SLC7A13: variants seen among roughly 807,000 people sequenced by gnomAD.
The protein encoded by SLC7A13 is X-amino acid transporter 2.
In SLC7A13, 31 loss-of-function variants were observed where a neutral mutation model predicts 32.0. The ratio of observed to expected loss-of-function variants is 0.97; its 90% CI spans 0.73 to 1.31. SLC7A13 has a LOEUF of 1.31. Ranked by LOEUF, SLC7A13 falls within the 50% of genes most tolerant of loss-of-function variation. The pLI, the probability that SLC7A13 is intolerant of heterozygous loss-of-function variation, is 0.00. For missense variants in SLC7A13, 633 were observed against 546.9 expected (o/e 1.16, Z -1.57); for synonymous variants, 232 against 206.9 (o/e 1.12, Z -1.04).
chr8:86,218,836 A>C (rs989920051), intron 2 of SLC7A13, among the ~76,000 whole-genome samples: 6 of 152,020 alleles, frequency 3.9e-5, no homozygotes, highest in Admixed American at 6.6e-5. Context: ...ACAAATTATC[A>C]GTTTTTCAAT....
intron 3 of SLC7A13, among the ~76,000 whole-genome samples, chr8:86,217,137 T>G (rs1820196806): frequency 6.6e-6 from 1 of 152,208 alleles, no homozygotes; most frequent in Non-Finnish European, 1.5e-5. Context: ...CTGCTAAATC[T>G]GGCCCTGACT....
intron 2 of SLC7A13, among the ~76,000 whole-genome samples, chr8:86,222,362 A>G (rs1820311582): frequency 6.6e-6 from 1 of 151,920 alleles, no homozygotes; most frequent in Non-Finnish European, 1.5e-5. Context: ...TCATTTTTCA[A>G]TGTATATTTA....
chr8:86,218,544 G>A (rs898054382), intron 2 of SLC7A13, among the ~76,000 whole-genome samples: 1 of 151,890 alleles, frequency 6.6e-6, no homozygotes, highest in Non-Finnish European at 1.5e-5. Context: ...GGCCAAGGAT[G>A]TTGCTAAACA....
intron 1 of SLC7A13, among the ~76,000 whole-genome samples, chr8:86,224,405 A>G (rs1820354840): frequency 6.6e-6 from 1 of 151,984 alleles, no homozygotes; most frequent in Non-Finnish European, 1.5e-5. Flanking sequence ...GGCTAGCAAA[A>G]TTTTCCTATT....
At chr8:86,224,466 T>C (rs562093228) in intron 1 of SLC7A13, among the ~76,000 whole-genome samples, 1 of 152,338 alleles carries the variant, frequency 6.6e-6, no homozygotes, top group African/African-American at 2.4e-5. Flanking sequence ...CCATCATAAA[T>C]TATCTCTTCC....
rs1296464699 is a variant in SLC7A13 at position 86,229,960 on chromosome 8, C to T, written c.318G>A (p.Gly106=). Residue 106 remains glycine (G), a synonymous_variant, in exon 1 of 4, where the codon GGG becomes GGA. Transcript: ENST00000297524. The stretch of plus-strand genomic sequence containing the variant: ...GGAGCAGAGCTTGGCCAGCAACTAC[C>T]CCTGACCCCAGAAACAAGGATGTCC... ...NLWTSLFLGS[G]VVAGQALLLA... 5.6e-6 allele frequency: 9 copies of T among 1,614,168 alleles called. No individual in the cohort carries two copies. The highest frequency in any genetic ancestry group is 6.8e-6 in the Non-Finnish European group (8 of 1,180,028).
chr8:86,222,768 A>C (rs1486325726), intron 2 of SLC7A13, among the ~76,000 whole-genome samples: 1 of 152,232 alleles, frequency 6.6e-6, no homozygotes, highest in Non-Finnish European at 1.5e-5. Context: ...TTTCCATATT[A>C]TTAGAAAAGG....
At position 86,229,893 on chromosome 8, in the gene SLC7A13, C is replaced by G; in HGVS notation, c.385G>C (p.Val129Leu). ...SIQPFFPSCS[V>L]PKLPKKCLAL... ...AGACATTTCTTAGGCAGCTTTGGGA[C>G]AGAGCAGCTGGGAAAAAAAGGCTGG... Residue 129 changes from valine to leucine, a missense_variant, in exon 1 of 4, where the codon GTC becomes CTC. Physicochemically the swap from Val to Leu is conservative, Grantham distance 32 (BLOSUM62 1). Coordinates refer to ENST00000297524, the MANE Select transcript of SLC7A13 (RefSeq NM_138817.3). The G allele has an allele frequency of 6.2e-7, 1 of 1,614,122 alleles. No homozygotes were observed. The highest frequency in any genetic ancestry group is 1.1e-5 in the South Asian group (1 of 91,074).
At chr8:86,220,151 C>T (rs1820269233) in intron 2 of SLC7A13, among the ~76,000 whole-genome samples, 1 of 152,108 alleles carries the variant, frequency 6.6e-6, no homozygotes, top group Non-Finnish European at 1.5e-5. Flanking sequence ...GAAACCTCAG[C>T]TTCTGCTTCC....
Position 86,230,168 on chromosome 8 carries a change from C to A in SLC7A13, c.110G>T (p.Gly37Val), listed in dbSNP as rs1311451664. Residue 37 changes from glycine (G) to valine (V), a missense_variant, in exon 1 of 4, where the codon GGT (glycine) becomes GTT (valine). Transcript: ENST00000297524. Reference sequence around the variant, plus strand: ...GTTCATGCAAGAGTATGCCAACACACCTTTGGGGGACACAAAAATTCCTGC... The same window carrying A: ...GTTCATGCAAGAGTATGCCAACACAACTTTGGGGGACACAAAAATTCCTGC... ...IGAGIFVSPKGVLAYSCMNVG... is the reference protein window; with the variant it reads ...IGAGIFVSPKVVLAYSCMNVG... 1.9e-6 allele frequency: 3 copies of A among 1,614,018 alleles called. No individual in the cohort carries two copies. The highest frequency in any genetic ancestry group is 2.5e-6 in the Non-Finnish European group (3 of 1,180,040).
chr8:86,214,611 G>C lies in SLC7A13; in HGVS notation c.1215C>G (p.Ile405Met), dbSNP rs372524258. ...ATGGTATCACAACCAAGCCCACGTC[G>C]ATGACTATTGTTGCTAATGGAAATG... is the stretch of plus-strand genomic sequence containing the variant. ...FLSFPLATIV[I>M]DVGLVVIPLV... The change falls in exon 4 of 4, where the codon ATC (isoleucine) becomes ATG (methionine). Residue 405 changes from isoleucine (I) to methionine (M), a missense_variant. By Grantham distance (10) the Ile-to-Met change is conservative (BLOSUM62 1). Coordinates refer to ENST00000297524, the MANE Select transcript of SLC7A13 (RefSeq NM_138817.3). 1.2e-6 allele frequency: 2 copies of C among 1,612,958 alleles called. No homozygotes were observed. Among genetic ancestry groups the C allele is most frequent in the Non-Finnish European group, 1.7e-6 (2 of 1,179,530 alleles).
Position 86,230,175 on chromosome 8 carries a change from G to C in SLC7A13, c.103C>G (p.Pro35Ala), listed in dbSNP as rs186513758. The C allele has an allele frequency of 6.2e-7, 1 of 1,614,014 alleles. No individual in the cohort carries two copies. Among genetic ancestry groups the C allele is most frequent in the South Asian group, 1.1e-5 (1 of 91,072 alleles). ...NIIGAGIFVS[P>A]KGVLAYSCMN... ...CAAGAGTATGCCAACACACCTTTGGGGGACACAAAAATTCCTGCACCAATG... is the reference window on the plus strand; with the variant it reads ...CAAGAGTATGCCAACACACCTTTGGCGGACACAAAAATTCCTGCACCAATG... The change falls in exon 1 of 4, where the codon CCC (proline) becomes GCC (alanine). Residue 35 changes from proline (P) to alanine (A), a missense_variant. Physicochemically the swap from Pro to Ala is conservative, Grantham distance 27 (BLOSUM62 -1). Coordinates refer to ENST00000297524, the MANE Select transcript of SLC7A13 (RefSeq NM_138817.3).
chr8:86,227,717 A>T lies in SLC7A13; in HGVS notation c.685+1876T>A, dbSNP rs183381530. On this transcript the variant is annotated intron_variant, in intron 1 of 3. Coordinates refer to ENST00000297524, the MANE Select transcript of SLC7A13 (RefSeq NM_138817.3). ...CCATCAATGCATGACTGGATTTTTAAAAAATGTGGTATATACACACCATGG... is the reference window on the plus strand; with the variant it reads ...CCATCAATGCATGACTGGATTTTTATAAAATGTGGTATATACACACCATGG... Among the ~76,000 whole-genome samples the T allele has an allele frequency of 2.2e-3, 333 of 152,300 alleles. 4 individuals carry two copies. The highest frequency in any genetic ancestry group is 7.5e-3 in the African/African-American group (311 of 41,562).
chr8:86,220,784 G>C (rs10096942), intron 2 of SLC7A13, among the ~76,000 whole-genome samples: 46,891 of 151,736 alleles, frequency 0.31, 8,081 homozygotes, highest in South Asian at 0.5. Flanking sequence ...GGGAGAATCA[G>C]TTGAGGTCAG....
In SLC7A13 at chr8:86,229,986, A is replaced by G. The variant is rs148184487; in HGVS notation, c.292T>C (p.Trp98Arg). 2.7e-5 allele frequency: 43 copies of G among 1,614,110 alleles called. No individual in the cohort carries two copies. In the African/African-American group the frequency reaches 5.1e-4, roughly 19 times the overall value. ...CCTGACCCCAGAAACAAGGATGTCCAGAGATTCAAAAAAGCAACCGTGGAG... is the reference window on the plus strand; with the variant it reads ...CCTGACCCCAGAAACAAGGATGTCCGGAGATTCAAAAAAGCAACCGTGGAG... Reference protein sequence around the residue: ...FGSTVAFLNLWTSLFLGSGVV... With the variant: ...FGSTVAFLNLRTSLFLGSGVV... The change falls in exon 1 of 4, where the codon TGG (tryptophan) becomes CGG (arginine). Residue 98 changes from tryptophan to arginine, a missense_variant. Transcript: ENST00000297524.
In SLC7A13 at chr8:86,214,348, T is replaced by C; in HGVS notation, c.*65A>G. On this transcript the variant is annotated 3_prime_UTR_variant, in exon 4 of 4. Transcript: ENST00000297524. ...TGAATGTTCTATCATATGTTTAACCTTGATTTGGAATCTGATATATGTTTT... is the reference window on the plus strand; with the variant it reads ...TGAATGTTCTATCATATGTTTAACCCTGATTTGGAATCTGATATATGTTTT... 1.1e-6 allele frequency: 1 copy of C among 902,502 alleles called. No individual in the cohort carries two copies. The highest frequency in any genetic ancestry group is 1.7e-6 in the Non-Finnish European group (1 of 592,308). 55.9% of individuals were successfully genotyped at this position (902,502 alleles called of 1,614,324 possible). A position where few individuals can be genotyped will look rare whatever the true frequency, so the allele number is the denominator to read the frequency against.
At chr8:86,215,250 A>G (rs1820159907) in intron 3 of SLC7A13, among the ~76,000 whole-genome samples, 1 of 152,172 alleles carries the variant, frequency 6.6e-6, no homozygotes, top group African/African-American at 2.4e-5. Flanking sequence ...TCTCTACAAC[A>G]TTACCCAATC....
At chr8:86,219,942 ATG>A in intron 2 of SLC7A13, among the ~76,000 whole-genome samples, 1 of 152,162 alleles carries the variant, frequency 6.6e-6, no homozygotes, top group African/African-American at 2.4e-5. Flanking sequence ...TAAAATAAGG[ATG>A]ATATTACAAA....
At position 86,214,299 on chromosome 8, in the gene SLC7A13, AT is replaced by A. The variant is rs755361256; in HGVS notation, c.*113del. ...ATTACTTATTTCATTTGAGAAAAAA[AT>A]ATTTACCATAGGAATTTCACCATGA... On this transcript the variant is annotated 3_prime_UTR_variant, in exon 4 of 4. Coordinates refer to ENST00000297524, the MANE Select transcript of SLC7A13 (RefSeq NM_138817.3). 7.5e-6 allele frequency: 5 copies of A among 670,336 alleles called. No homozygotes were observed. The highest frequency in any genetic ancestry group is 5.4e-5 in the East Asian group (2 of 36,744). The allele number at this position is 670,336 out of a possible 1,614,324, so 41.5% of individuals were successfully genotyped here.
Sources: allele counts gnomAD v4.1 joint callset (sites outside exome capture counted in the v4.1 genomes callset), GRCh38; gene constraint gnomAD v4.1.1; transcripts MANE v1.5; gene names NCBI Gene and HGNC (gene_info 2026-07-23, HGNC 2026-07-21).